The following ROBO4 variants were observed in gnomAD, a reference collection of about 807,000 sequenced individuals.
The protein encoded by ROBO4 is roundabout homolog 4.
A neutral mutation model predicts 103.3 loss-of-function variants in ROBO4; 80 were observed. The ratio of observed to expected loss-of-function variants is 0.77; its 90% CI spans 0.65 to 0.93. ROBO4 has a LOEUF of 0.93. Ranked by LOEUF, ROBO4 falls within the 40% of genes least tolerant of loss-of-function variation. The probability of loss-of-function intolerance (pLI) is 0.00; values close to 1 mark genes in which losing one functional copy is unlikely to be tolerated. For missense variants in ROBO4, 1,333 were observed against 1,305.3 expected (o/e 1.02, Z -0.33); for synonymous variants, 504 against 529.7 (o/e 0.95, Z 0.67).
chr11:124,884,300 C>G lies in ROBO4; in HGVS notation c.*591G>C, dbSNP rs1316515993. On this transcript the variant is annotated 3_prime_UTR_variant, in exon 18 of 18. Transcript: ENST00000306534. ...GAGGATGGTGCTTTTGACCTACGGT[C>G]TCATACCTCCCTTCCTTCAGCATCC... The G allele has an allele frequency of 6.5e-6, 1 of 154,216 alleles. No individual in the cohort carries two copies. Among genetic ancestry groups the G allele is most frequent in the Admixed American group, 6.4e-5 (1 of 15,656 alleles). The allele number at this position is 154,216 out of a possible 1,614,324, so 9.6% of individuals were successfully genotyped here.
At chr11:124,895,717 T>A in intron 5 of ROBO4, 32 bp from the exon 6 acceptor site, 1 of 1,611,256 alleles carries the variant, frequency 6.2e-7, no homozygotes, top group Non-Finnish European at 8.5e-7. Flanking sequence ...GGGCGGGGGG[T>A]CAGAGAGCTC....
chr11:124,888,381 A>G (rs1485701905), intron 12 of ROBO4, among the ~76,000 whole-genome samples: 1 of 152,200 alleles, frequency 6.6e-6, no homozygotes, highest in Non-Finnish European at 1.5e-5. Flanking sequence ...CTGCTCTGGG[A>G]AACTCGACTG....
intron 12 of ROBO4, among the ~76,000 whole-genome samples, chr11:124,888,953 G>C (rs1349707193): frequency 6.6e-6 from 1 of 152,188 alleles, no homozygotes; most frequent in Non-Finnish European, 1.5e-5. Flanking sequence ...TCCCCTCTTG[G>C]TGGACCAGGG....
rs2135365338 is a variant in ROBO4, at chr11:124,886,664, G to A, written c.2594C>T (p.Thr865Ile). 1 of 1,613,794 alleles carries A rather than the reference G, an allele frequency of 6.2e-7. No individual in the cohort carries two copies. Among genetic ancestry groups the A allele is most frequent in the Non-Finnish European group, 8.5e-7 (1 of 1,179,716 alleles). Residue 865 changes from threonine to isoleucine, a missense_variant, in exon 16 of 18, where the codon ACC (threonine) becomes ATC (isoleucine). Thr to Ile is a moderately conservative substitution (Grantham distance 89). Transcript: ENST00000306534. ...VLLCPPRPCLTPTPSEGSLAN... is the reference protein window; with the variant it reads ...VLLCPPRPCLIPTPSEGSLAN... ...TAAGGAGCCCTCGCTGGGGGTGGGG[G>A]TGAGGCAGGGCCGAGGTGGGCACAG... is the stretch of plus-strand genomic sequence containing the variant.
intron 10 of ROBO4, chr11:124,892,346 G>A (rs1216478334): frequency 9.8e-6 from 3 of 306,834 alleles, no homozygotes; most frequent in South Asian, 6.1e-5. Flanking sequence ...AGGGATCTGA[G>A]CAAGGAGCTT....
chr11:124,896,754 C>T (rs1946899781), intron 2 of ROBO4, 84 bp from the exon 3 acceptor site: 3 of 1,529,460 alleles, frequency 2.0e-6, no homozygotes, highest in East Asian at 4.8e-5. Flanking sequence ...TCTGCTTTGC[C>T]CACCTTCCTG....
rs772792774 is a variant in ROBO4 at position 124,894,225 on chromosome 11, T to C, written c.1294A>G (p.Ser432Gly). The C allele has an allele frequency of 6.2e-7, 1 of 1,613,344 alleles. No individual in the cohort carries two copies. Residue 432 changes from serine (S) to glycine (G), a missense_variant, in exon 8 of 18, where the codon AGT (serine) becomes GGT (glycine). By Grantham distance (56) the Ser-to-Gly change is moderately conservative (BLOSUM62 0). Transcript: ENST00000306534. The part of the protein sequence containing the change: ...AVTGAGAGEP[S>G]RPVCLLLEQA... ...CCTAAAAGGAGGCAGACAGGTCTAC[T>C]GGGCTCCCCAGCTCCAGCACCAGTG...
chr11:124,891,818 G>C lies in ROBO4; in HGVS notation c.1548-16C>G, dbSNP rs1329247535. On this transcript the variant is annotated splice_polypyrimidine_tract_variant and intron_variant, in intron 10 of 17. Transcript: ENST00000306534. Reference sequence around the variant, plus strand: ...GTGATCCATCCTGGGGCAGTGGAGGGAGGGGGTGAGGCCAGGAGAAACAGG... The same window carrying C: ...GTGATCCATCCTGGGGCAGTGGAGGCAGGGGGTGAGGCCAGGAGAAACAGG... The C allele has an allele frequency of 6.2e-7, 1 of 1,613,774 alleles. No individual in the cohort carries two copies. The highest frequency in any genetic ancestry group is 1.7e-5 in the Admixed American group (1 of 60,000).
Position 124,894,208 on chromosome 11 carries a change from G to T in ROBO4, c.1311C>A (p.Leu437=), listed in dbSNP as rs1251647731. 1.2e-6 allele frequency: 2 copies of T among 1,610,840 alleles called. No individual in the cohort carries two copies. The highest frequency in any genetic ancestry group is 1.3e-5 in the African/African-American group (1 of 74,988). The change falls in exon 8 of 18, where the codon CTC becomes CTA. Residue 437 remains leucine, a synonymous_variant. Transcript: ENST00000306534. The part of the protein sequence containing the change: ...GAGEPSRPVC[L]LLEQAMERAT... Reference sequence around the variant, plus strand: ...TGTGGGCACTGCCCTCACCTAAAAGGAGGCAGACAGGTCTACTGGGCTCCC... The same window carrying T: ...TGTGGGCACTGCCCTCACCTAAAAGTAGGCAGACAGGTCTACTGGGCTCCC...
Position 124,887,047 on chromosome 11 carries a change from G to C in ROBO4, c.2365C>G (p.Gln789Glu), listed in dbSNP as rs1477587361. Residue 789 changes from glutamine to glutamate, a missense_variant, in exon 15 of 18, where the codon CAA (glutamine) becomes GAA (glutamate). Gln to Glu is a conservative substitution (Grantham distance 29). Coordinates refer to ENST00000306534, the MANE Select transcript of ROBO4 (RefSeq NM_019055.6). ...TCCTCAGGGGTCAGCACGCTGTCTT[G>C]ATCCTCCCCCAGGGATGACAGTGAG... ...SSSLSSLGED[Q>E]DSVLTPEEVA... is the part of the protein sequence containing the mutation. 6.2e-7 allele frequency: 1 copy of C among 1,613,932 alleles called. No individual in the cohort carries two copies. The highest frequency in any genetic ancestry group is 8.5e-7 in the Non-Finnish European group (1 of 1,179,918).
At chr11:124,896,367 T>C (rs1946890797) in intron 3 of ROBO4, 49 bp from the exon 4 acceptor site, 2 of 1,608,516 alleles carry the variant, frequency 1.2e-6, no homozygotes, top group Admixed American at 1.7e-5. Context: ...GGAGGGGCTC[T>C]GAGCTGGGGG....
At position 124,896,447 on chromosome 11, in the gene ROBO4, G is replaced by C. The variant is rs1946892057; in HGVS notation, c.558+66C>G. Reference sequence around the variant, plus strand: ...GGATGCGGGGCTGGACGGCAGGTCAGTCCATCAGGGTGTACCCAGGTCTGC... The same window carrying C: ...GGATGCGGGGCTGGACGGCAGGTCACTCCATCAGGGTGTACCCAGGTCTGC... On this transcript the variant is annotated intron_variant, in intron 3 of 17. Coordinates refer to ENST00000306534, the MANE Select transcript of ROBO4 (RefSeq NM_019055.6). 1.9e-6 allele frequency: 3 copies of C among 1,594,506 alleles called. No homozygotes were observed. In the African/African-American group the frequency reaches 4.0e-5, roughly 21 times the overall value.
At chr11:124,893,247 A>G (rs990701555) in intron 10 of ROBO4, among the ~76,000 whole-genome samples, 181 of 152,216 alleles carry the variant, frequency 1.2e-3, no homozygotes, top group African/African-American at 4.2e-3. Context: ...GGAAGAATCT[A>G]TGATGTAGGC....
At chr11:124,885,780 G>A (rs1946701803) in intron 16 of ROBO4, among the ~76,000 whole-genome samples, 1 of 152,196 alleles carries the variant, frequency 6.6e-6, no homozygotes, top group Non-Finnish European at 1.5e-5. Context: ...GCCACGGACA[G>A]GGCAGGAGGA....
intron 1 of ROBO4, 124 bp from the exon 2 acceptor site, chr11:124,897,385 A>C: frequency 1.3e-6 from 1 of 770,894 alleles, no homozygotes; most frequent in Non-Finnish European, 2.0e-6. Flanking sequence ...GAACTACTAA[A>C]GGTTGCCTCC....
chr11:124,883,867 T>G lies in ROBO4; in HGVS notation c.*1024A>C, dbSNP rs1015596037. 2 of 152,082 alleles carry G rather than the reference T, an allele frequency of 1.3e-5. No homozygotes were observed. Among genetic ancestry groups the G allele is most frequent in the African/African-American group, 2.4e-5 (1 of 41,386 alleles). 9.4% of individuals were successfully genotyped at this position (152,082 alleles called of 1,614,324 possible). On this transcript the variant is annotated 3_prime_UTR_variant, in exon 18 of 18. Coordinates refer to ENST00000306534, the MANE Select transcript of ROBO4 (RefSeq NM_019055.6). ...AAATGCCATGAACCCCAAGTACACT[T>G]GGGCAGAATGAACCTATTACTTCAT... is the stretch of plus-strand genomic sequence containing the variant.
At chr11:124,892,208 T>G in intron 10 of ROBO4, 1 of 377,184 alleles carries the variant, frequency 2.7e-6, no homozygotes, top group Non-Finnish European at 5.2e-6. Context: ...ATGATGGCAA[T>G]AGGGCCTTCC....
At position 124,884,760 on chromosome 11, in the gene ROBO4, C is replaced by T; in HGVS notation, c.*131G>A. On this transcript the variant is annotated 3_prime_UTR_variant, in exon 18 of 18. Transcript: ENST00000306534. ...TTCACAATCGTGGAGGGAGAACTCT[C>T]TGGAGGCTTGGGAAGGTGGACCCCA... The T allele has an allele frequency of 9.7e-7, 1 of 1,026,612 alleles. No individual in the cohort carries two copies. The highest frequency in any genetic ancestry group is 1.3e-5 in the South Asian group (1 of 75,272). 63.6% of individuals were successfully genotyped at this position (1,026,612 alleles called of 1,614,324 possible).
In ROBO4 at chr11:124,886,524, C is replaced by T; in HGVS notation, c.2734G>A (p.Val912Met). 1 of 1,614,246 alleles carries T rather than the reference C, an allele frequency of 6.2e-7. No individual in the cohort carries two copies. The highest frequency in any genetic ancestry group is 8.5e-7 in the Non-Finnish European group (1 of 1,180,040). The change falls in exon 16 of 18, where the codon GTG (valine) becomes ATG (methionine). Residue 912 changes from valine to methionine, a missense_variant. Coordinates refer to ENST00000306534, the MANE Select transcript of ROBO4 (RefSeq NM_019055.6). ...CCGAAACCAAAGCTATCCACAGCCA[C>T]TGCCAGGGCCCGGGCAAAGTGAGCA... ...ADAHFARALA[V>M]AVDSFGFGLE... is the part of the protein sequence containing the mutation.
Sources: allele counts gnomAD v4.1 joint callset (sites outside exome capture counted in the v4.1 genomes callset), GRCh38; gene constraint gnomAD v4.1.1; transcripts MANE v1.5; gene names NCBI Gene and HGNC (gene_info 2026-07-23, HGNC 2026-07-21).